Variants in SLC9A5 observed in about 807,000 individuals in gnomAD.
The protein encoded by SLC9A5 is solute carrier family 9 member A5, also known as sodium/hydrogen exchanger 5.
Under a neutral mutation model 91.7 loss-of-function variants are expected in SLC9A5, and 52 were observed. The ratio of observed to expected loss-of-function variants is 0.57; its 90% CI spans 0.45 to 0.71. The LOEUF is 0.71. SLC9A5 is among the 30% of genes least tolerant of loss of function. SLC9A5 has a pLI of 0.00. For missense variants in SLC9A5, 871 were observed against 1,158.9 expected (o/e 0.75, Z 3.61); for synonymous variants, 419 against 474.5 (o/e 0.88, Z 1.52).
rs879756240 is a variant in SLC9A5, at chr16:67,258,202, G to C, written c.1497-116G>C. 2.0e-6 allele frequency: 2 copies of C among 982,696 alleles called. No individual in the cohort carries two copies. The highest frequency in any genetic ancestry group is 3.1e-6 in the Non-Finnish European group (2 of 645,636). 60.9% of individuals were successfully genotyped at this position (982,696 alleles called of 1,614,324 possible). On this transcript the variant is annotated intron_variant, in intron 9 of 15. Transcript: ENST00000299798. This position sits in a 1 kb window ranked among gnomAD's most constrained non-coding sequence, Gnocchi z 4.5. ...TAGCCTTGAGATTCTCTCTGGCTGA[G>C]GCCCATATCTAAAAAGCCAGGCCAG...
Position 67,256,738 on chromosome 16 carries a change from T to A in SLC9A5, c.1132+49T>A. 7.0e-7 allele frequency: 1 copy of A among 1,438,554 alleles called. No individual in the cohort carries two copies. Among genetic ancestry groups the A allele is most frequent in the Non-Finnish European group, 9.7e-7 (1 of 1,025,656 alleles). The allele number at this position is 1,438,554 out of a possible 1,614,324, so 89.1% of individuals were successfully genotyped here. ...CCCACTCTCCTTCCTGTCCCGCCCC[T>A]CCCTGCAGCTCATCTCCCTATCTGA... is the stretch of plus-strand genomic sequence containing the variant. On this transcript the variant is annotated intron_variant, in intron 6 of 15. Transcript: ENST00000299798. This position sits in a 1 kb window ranked among gnomAD's most constrained non-coding sequence, Gnocchi z 4.1.
In SLC9A5 at chr16:67,256,957, T is replaced by C. The variant is rs1158996023; in HGVS notation, c.1179T>C (p.Pro393=). 6.2e-7 allele frequency: 1 copy of C among 1,614,064 alleles called. No homozygotes were observed. Among genetic ancestry groups the C allele is most frequent in the African/African-American group, 1.3e-5 (1 of 74,948 alleles). Residue 393 remains proline, a synonymous_variant, in exon 7 of 16, where the codon CCT becomes CCC. Coordinates refer to ENST00000299798, the MANE Select transcript of SLC9A5 (RefSeq NM_004594.3). This position sits in a 1 kb window ranked among gnomAD's most constrained non-coding sequence, Gnocchi z 4.1. The part of the protein sequence containing the change: ...TWVLNQFRLV[P]LDKIDQVVMS... ...TGCTGAATCAGTTCCGGCTAGTCCCTCTGGACAAGATTGACCAAGTGGTGA... is the reference window on the plus strand; with the variant it reads ...TGCTGAATCAGTTCCGGCTAGTCCCCCTGGACAAGATTGACCAAGTGGTGA...
rs2035408857 is a variant in SLC9A5, at chr16:67,258,701, G to C, written c.1626+254G>C. 6.6e-6 allele frequency among the ~76,000 whole-genome samples: 1 copy of C among 152,188 alleles called. No homozygotes were observed. Among genetic ancestry groups the C allele is most frequent in the Admixed American group, 6.5e-5 (1 of 15,282 alleles). On this transcript the variant is annotated intron_variant, in intron 10 of 15. Transcript: ENST00000299798. The surrounding 1 kb of genome is among the most constrained non-coding windows in gnomAD (Gnocchi z 4.5). ...CTCAACCATTATCACTTCCAAGCTTGTGACCTTGGGTAAGCACACTCTCTG... is the reference window on the plus strand; with the variant it reads ...CTCAACCATTATCACTTCCAAGCTTCTGACCTTGGGTAAGCACACTCTCTG...
rs2035417630 is a variant in SLC9A5 at position 67,258,916 on chromosome 16, C to A, written c.1626+469C>A. 6.7e-6 allele frequency among the ~76,000 whole-genome samples: 1 copy of A among 148,590 alleles called. No homozygotes were observed. The highest frequency in any genetic ancestry group is 2.1e-4 in the South Asian group (1 of 4,712). ...CAAAAACTAGCCAGGCATGGTGGTG[C>A]ATGCCTGTAATCCCAACTACTCTGG... On this transcript the variant is annotated intron_variant, in intron 10 of 15. Transcript: ENST00000299798. This position sits in a 1 kb window ranked among gnomAD's most constrained non-coding sequence, Gnocchi z 4.5.
intron 10 of SLC9A5, 47 bp from the exon 11 acceptor site, chr16:67,259,526 C>T: frequency 1.4e-6 from 2 of 1,402,818 alleles, no homozygotes; most frequent in South Asian, 1.2e-5. Context: ...GACTCCTGGG[C>T]AACCCTCCAT....
At chr16:67,265,976 CTCTGCCAACGTGTGTTCTGCCTAGGG>C (rs1385180509) in intron 14 of SLC9A5, 86 bp from the exon 15 acceptor site, 1 of 1,403,508 alleles carries the variant, frequency 7.1e-7, no homozygotes, top group African/African-American at 1.5e-5. Flanking sequence ...AAGCAAGTGT[CTCTGCCAACGTGTGTTCTGCCTAGGG>C]AGACAGGGAG....
chr16:67,251,495 C>T (rs1325801020), intron 1 of SLC9A5, among the ~76,000 whole-genome samples: 1 of 139,392 alleles, frequency 7.2e-6, no homozygotes, highest in African/African-American at 2.8e-5. Context: ...CTCACTGCAA[C>T]CTCTGCCTCC....
intron 15 of SLC9A5, among the ~76,000 whole-genome samples, chr16:67,266,853 T>C (rs938370548): frequency 3.2e-5 from 4 of 124,102 alleles, no homozygotes; most frequent in Admixed American, 7.5e-5. Flanking sequence ...TTCTTTTCTT[T>C]TTTTTTTTTT....
In SLC9A5 at chr16:67,270,943, G is replaced by A; in HGVS notation, c.2424G>A (p.Gln808=). 6.2e-7 allele frequency: 1 copy of A among 1,613,996 alleles called. No individual in the cohort carries two copies. Among genetic ancestry groups the A allele is most frequent in the South Asian group, 1.1e-5 (1 of 91,054 alleles). The stretch of plus-strand genomic sequence containing the variant: ...GCCTAGCGTCCCCTCCCTGTAACCA[G>A]GCCCCAATTCTGACCTGCCTGCCTC... ...LESLASPPCN[Q]APILTCLPPH... is the part of the protein sequence containing the mutation. The change falls in exon 16 of 16, where the codon CAG becomes CAA. Residue 808 remains glutamine (Q), a synonymous_variant. Transcript: ENST00000299798. This position sits in a 1 kb window ranked among gnomAD's most constrained non-coding sequence, Gnocchi z 4.3.
chr16:67,255,094 C>G lies in SLC9A5; in HGVS notation c.564C>G (p.Ala188=). Reference sequence around the variant, plus strand: ...TCATCTCGGCGGTGGACCCCGTGGCCGTGCTAGCTGTCTTTGAGGAGGTGC... The same window carrying G: ...TCATCTCGGCGGTGGACCCCGTGGCGGTGCTAGCTGTCTTTGAGGAGGTGC... ...GSLISAVDPV[A]VLAVFEEVHV... is the part of the protein sequence containing the mutation. The change falls in exon 3 of 16, where the codon GCC becomes GCG. Residue 188 remains alanine (A), a synonymous_variant. Transcript: ENST00000299798. This position sits in a 1 kb window ranked among gnomAD's most constrained non-coding sequence, Gnocchi z 4.9. 6.2e-7 allele frequency: 1 copy of G among 1,614,020 alleles called. No individual in the cohort carries two copies. Among genetic ancestry groups the G allele is most frequent in the Non-Finnish European group, 8.5e-7 (1 of 1,179,982 alleles).
rs933733493 is a variant in SLC9A5 at position 67,264,374 on chromosome 16, A to G, written c.1865A>G (p.His622Arg). Residue 622 changes from histidine to arginine, a missense_variant, in exon 13 of 16, where the codon CAC becomes CGC. This residue lies in a region of SLC9A5 where 454 missense variants were observed against 718.3 expected (regional missense o/e 0.63). Transcript: ENST00000299798. ...CAGTACAAAGCCAGCTGCAGTCGCC[A>G]CTTCATCTCAGAGGATGCGCAGGAG... ...RRRYKASCSR[H>R]FISEDAQERQ... 6.2e-7 allele frequency: 1 copy of G among 1,614,022 alleles called. No homozygotes were observed. Among genetic ancestry groups the G allele is most frequent in the African/African-American group, 1.3e-5 (1 of 74,910 alleles).
Position 67,252,762 on chromosome 16 carries a change from C to T in SLC9A5, c.408C>T (p.Leu136=). 6.2e-7 allele frequency: 1 copy of T among 1,614,170 alleles called. No homozygotes were observed. Among genetic ancestry groups the T allele is most frequent in the Non-Finnish European group, 8.5e-7 (1 of 1,180,034 alleles). ...TCTTTGACAACTTGGGTGCCATCCT[C>T]ACCTATGCCGTGGTAGGCACACTCT... The part of the protein sequence containing the change: ...RLFFDNLGAI[L]TYAVVGTLWN... The change falls in exon 2 of 16, where the codon CTC becomes CTT. Residue 136 remains leucine (L), a synonymous_variant. Transcript: ENST00000299798. This position sits in a 1 kb window ranked among gnomAD's most constrained non-coding sequence, Gnocchi z 4.0.
intron 12 of SLC9A5, among the ~76,000 whole-genome samples, chr16:67,263,985 G>A (rs2035617243): frequency 1.3e-5 from 2 of 152,176 alleles, no homozygotes; most frequent in Non-Finnish European, 2.9e-5. Flanking sequence ...GGTAGGCTGG[G>A]TGTGTGGGCG....
intron 1 of SLC9A5, 28 bp downstream of exon 1, chr16:67,249,229 C>T (rs2035014914): frequency 2.9e-6 from 4 of 1,372,398 alleles, no homozygotes; most frequent in Non-Finnish European, 2.8e-6. Context: ...TGCGCCAGGC[C>T]GACCGCCAGC....
Position 67,255,605 on chromosome 16 carries a change from G to T in SLC9A5, c.733+134G>T. On this transcript the variant is annotated intron_variant, in intron 4 of 15. Coordinates refer to ENST00000299798, the MANE Select transcript of SLC9A5 (RefSeq NM_004594.3). This position sits in a 1 kb window ranked among gnomAD's most constrained non-coding sequence, Gnocchi z 4.9. ...TCCTCTATAGAGAAATGGGGTCTGG[G>T]AGGGGCTTGCCAGGGATCCTGGCTC... The T allele has an allele frequency of 1.5e-6, 2 of 1,292,690 alleles. No homozygotes were observed. The highest frequency in any genetic ancestry group is 1.1e-6 in the Non-Finnish European group (1 of 914,666). 80.1% of individuals were successfully genotyped at this position (1,292,690 alleles called of 1,614,324 possible). A position where few individuals can be genotyped will look rare whatever the true frequency, so the allele number is the denominator to read the frequency against.
chr16:67,255,765 T>C lies in SLC9A5; in HGVS notation c.746T>C (p.Val249Ala). The C allele has an allele frequency of 6.3e-7, 1 of 1,576,660 alleles. No homozygotes were observed. Residue 249 changes from valine to alanine, a missense_variant, in exon 5 of 16, where the codon GTG becomes GCG. Physicochemically the swap from Val to Ala is moderately conservative, Grantham distance 64. Around this residue, in one of 3 missense-constraint regions of SLC9A5, gnomAD observed 454 missense variants for 718.3 expected, o/e 0.63. Coordinates refer to ENST00000299798, the MANE Select transcript of SLC9A5 (RefSeq NM_004594.3). This position sits in a 1 kb window ranked among gnomAD's most constrained non-coding sequence, Gnocchi z 4.9. ...DYLKGVASLF[V>A]VSLGGAAVGL... ...ACTCCTCCCCCAGCCTCCCTGTTTG[T>C]GGTCAGTCTGGGCGGGGCAGCCGTG... is the stretch of plus-strand genomic sequence containing the variant.
Position 67,265,022 on chromosome 16 carries a change from T to C in SLC9A5, c.2014-18T>C, listed in dbSNP as rs1286701850. ...GAAGCCGGGGCCAGAGGCTCAGGTT[T>C]TCTTTCTTGGTCCTCAGAAGGATGG... On this transcript the variant is annotated intron_variant, in intron 13 of 15. Coordinates refer to ENST00000299798, the MANE Select transcript of SLC9A5 (RefSeq NM_004594.3). The C allele has an allele frequency of 1.2e-6, 2 of 1,614,106 alleles. No homozygotes were observed. Among genetic ancestry groups the C allele is most frequent in the Non-Finnish European group, 1.7e-6 (2 of 1,179,952 alleles).
chr16:67,271,159 C>T lies in SLC9A5; in HGVS notation c.2640C>T (p.Gly880=). ...AGGACCACACCCATCTCAGCCCAGG[C>T]ACCGCTACCTCCCACTGGTGCATCC... ...GHKDHTHLSP[G]TATSHWCIQF... is the part of the protein sequence containing the mutation. The change falls in exon 16 of 16, where the codon GGC becomes GGT. Residue 880 remains glycine, a synonymous_variant. Coordinates refer to ENST00000299798, the MANE Select transcript of SLC9A5 (RefSeq NM_004594.3). The T allele has an allele frequency of 6.2e-7, 1 of 1,613,248 alleles. No individual in the cohort carries two copies. Among genetic ancestry groups the T allele is most frequent in the Non-Finnish European group, 8.5e-7 (1 of 1,180,042 alleles).
intron 14 of SLC9A5, among the ~76,000 whole-genome samples, chr16:67,265,713 G>A (rs767017455): frequency 1.5e-4 from 23 of 152,098 alleles, no homozygotes; most frequent in Non-Finnish European, 2.5e-4. Context: ...GTGAGCCACC[G>A]CACCTGGCTG....
Sources: allele counts gnomAD v4.1 joint callset (sites outside exome capture counted in the v4.1 genomes callset), GRCh38; gene constraint gnomAD v4.1.1; regional missense constraint gnomAD v4.1.1; non-coding constraint Gnocchi (gnomAD v3.1); transcripts MANE v1.5; gene names NCBI Gene and HGNC (gene_info 2026-07-23, HGNC 2026-07-21).